ACTN2: variants seen among roughly 807,000 people sequenced by gnomAD.
ACTN2 encodes alpha-actinin-2.
Under a neutral mutation model 113.8 loss-of-function variants are expected in ACTN2, and 39 were observed. The observed-to-expected ratio is 0.34, with a 90% confidence interval of 0.27 to 0.45. The LOEUF (loss-of-function observed/expected upper bound fraction) is 0.45. ACTN2 is among the 20% of genes least tolerant of loss of function. The pLI is 1.00. For synonymous variants in ACTN2, 429 were observed against 444.1 expected (o/e 0.97, Z 0.43); for missense variants, 992 against 1,177.9 (o/e 0.84, Z 2.31).
At chr1:236,742,253 G>A (rs932170929) in intron 10 of ACTN2, among the ~76,000 whole-genome samples, 1 of 148,522 alleles carries the variant, frequency 6.7e-6, no homozygotes, top group Admixed American at 6.8e-5. Context: ...CTTAATGACT[G>A]TCTCTCTCCC....
In ACTN2 at chr1:236,720,170, A is replaced by C. The variant is rs786205453; in HGVS notation, c.427A>C (p.Ile143Leu). Residue 143 changes from isoleucine (I) to leucine (L), a missense_variant, in exon 4 of 21, where the codon ATT (isoleucine) becomes CTT (leucine). Ile to Leu is a conservative substitution (Grantham distance 5). Coordinates refer to ENST00000366578, the MANE Select transcript of ACTN2 (RefSeq NM_001103.4). ...MIWTIILRFAIQDISVEETSA... is the reference protein window; with the variant it reads ...MIWTIILRFALQDISVEETSA... ...CTGGACCATCATCCTTCGCTTTGCT[A>C]TTCAGGATATTTCGGTTGAAGGTAA... 2.5e-6 allele frequency: 4 copies of C among 1,613,332 alleles called. No individual in the cohort carries two copies. The highest frequency in any genetic ancestry group is 3.4e-6 in the Non-Finnish European group (4 of 1,179,386).
At chr1:236,755,693 GGGCCCGC>G (rs1343110082) in intron 17 of ACTN2, among the ~76,000 whole-genome samples, 5 of 143,944 alleles carry the variant, frequency 3.5e-5, no homozygotes, top group African/African-American at 7.9e-5. Flanking sequence ...ATACTGCAGA[GGGCCCGC>G]TGCCACTGTT....
chr1:236,687,224 A>G (rs1665906585), intron 1 of ACTN2, among the ~76,000 whole-genome samples: 1 of 152,156 alleles, frequency 6.6e-6, no homozygotes, highest in African/African-American at 2.4e-5. Context: ...TGCAATTTCC[A>G]CCGGGCTGCC....
At chr1:236,741,326 G>A (rs1028189147) in intron 10 of ACTN2, among the ~76,000 whole-genome samples, 6 of 152,154 alleles carry the variant, frequency 3.9e-5, no homozygotes, top group African/African-American at 1.4e-4. Context: ...AGGCATGAGC[G>A]AGCATGCCTG....
chr1:236,724,437 A>C (rs2102902451), intron 4 of ACTN2, among the ~76,000 whole-genome samples: 1 of 152,364 alleles, frequency 6.6e-6, no homozygotes, highest in Admixed American at 6.5e-5. Flanking sequence ...ATGCCTATGC[A>C]GGATGAAGGG....
intron 5 of ACTN2, among the ~76,000 whole-genome samples, chr1:236,727,433 C>T (rs897100581): frequency 2.6e-5 from 4 of 152,036 alleles, no homozygotes; most frequent in Admixed American, 1.3e-4. Flanking sequence ...TGTGCCAGCA[C>T]GGACCAGATC....
intron 7 of ACTN2, chr1:236,734,575 T>G: frequency 7.8e-7 from 1 of 1,277,594 alleles, no homozygotes; most frequent in Non-Finnish European, 1.1e-6. Context: ...TCTTAATTTT[T>G]TTTCAATTGT....
chr1:236,704,476 C>T (rs1657766943), intron 1 of ACTN2, among the ~76,000 whole-genome samples: 2 of 152,140 alleles, frequency 1.3e-5, no homozygotes, highest in Non-Finnish European at 2.9e-5. Flanking sequence ...CTCAAGACTG[C>T]CCCCCTTCAG....
At chr1:236,731,751 G>A (rs1007917088) in intron 7 of ACTN2, among the ~76,000 whole-genome samples, 1 of 152,154 alleles carries the variant, frequency 6.6e-6, no homozygotes, top group Non-Finnish European at 1.5e-5. Context: ...TTAGAGAATT[G>A]AAATATAGAA....
intron 12 of ACTN2, among the ~76,000 whole-genome samples, chr1:236,746,050 C>T (rs1659225859): frequency 6.6e-6 from 1 of 150,938 alleles, no homozygotes; most frequent in African/African-American, 2.4e-5. Context: ...CCTGTAGTCC[C>T]AACTACTCAG....
chr1:236,715,582 A>G (rs1036519052), intron 1 of ACTN2, among the ~76,000 whole-genome samples: 3 of 152,140 alleles, frequency 2.0e-5, no homozygotes, highest in Non-Finnish European at 2.9e-5. Flanking sequence ...GCTAATTTTT[A>G]AATTTTATTT....
At chr1:236,758,452 A>ATTT (rs774302653) in intron 18 of ACTN2, among the ~76,000 whole-genome samples, 3 of 128,382 alleles carry the variant, frequency 2.3e-5, no homozygotes, top group African/African-American at 5.9e-5. Context: ...TGCCTGGCTA[A>ATTT]TTTTTTTTTT....
At chr1:236,755,577 G>A (rs1366573919) in intron 17 of ACTN2, among the ~76,000 whole-genome samples, 1 of 152,022 alleles carries the variant, frequency 6.6e-6, no homozygotes, top group African/African-American at 2.4e-5. Context: ...TATTTTTAGT[G>A]ACAAACAAGA....
chr1:236,750,643 AT>A (rs907231989), intron 14 of ACTN2, among the ~76,000 whole-genome samples: 1 of 152,192 alleles, frequency 6.6e-6, no homozygotes, highest in African/African-American at 2.4e-5. Context: ...GGTTTGATAA[AT>A]GGCTCTTTAG....
intron 18 of ACTN2, among the ~76,000 whole-genome samples, chr1:236,758,083 C>T (rs1659599798): frequency 6.6e-6 from 1 of 152,054 alleles, no homozygotes; most frequent in Non-Finnish European, 1.5e-5. Flanking sequence ...AAAATTGATG[C>T]ATGATCTCTT....
intron 1 of ACTN2, among the ~76,000 whole-genome samples, chr1:236,697,493 C>A (rs10802554): frequency 0.93 from 141,939 of 152,300 alleles, 66,244 homozygotes; most frequent in African/African-American, 0.96. Context: ...TGAGCTAAGA[C>A]TAGAGGACTC....
At chr1:236,759,425 C>A (rs1659640264) in intron 18 of ACTN2, among the ~76,000 whole-genome samples, 1 of 152,182 alleles carries the variant, frequency 6.6e-6, no homozygotes, top group African/African-American at 2.4e-5. Context: ...ATGAATGATT[C>A]TTTGTCAGTA....
At chr1:236,694,870 T>A (rs1657434079) in intron 1 of ACTN2, among the ~76,000 whole-genome samples, 1 of 149,534 alleles carries the variant, frequency 6.7e-6, no homozygotes, top group Non-Finnish European at 1.5e-5. Context: ...TTAGAGAGTG[T>A]CCTGGGCAAC....
At chr1:236,750,007 A>G (rs1422268648) in intron 14 of ACTN2, among the ~76,000 whole-genome samples, 1 of 152,190 alleles carries the variant, frequency 6.6e-6, no homozygotes, top group Non-Finnish European at 1.5e-5. Context: ...AGAAGCCACA[A>G]ATCAGCACCT....
Sources: gnomAD v4.1 joint callset for allele counts (sites outside exome capture counted in the v4.1 genomes callset) on GRCh38, gnomAD v4.1.1 for gene constraint, MANE v1.5 for transcripts, NCBI Gene and HGNC (gene_info 2026-07-23, HGNC 2026-07-21) for gene names.